CDK19: variants seen among roughly 807,000 people sequenced by gnomAD.
The protein encoded by CDK19 is cyclin dependent kinase 19.
CDK19 carries 20 observed loss-of-function variants against 68.3 expected under a neutral mutation model. The ratio of observed to expected loss-of-function variants is 0.29; its 90% CI spans 0.21 to 0.43. CDK19 has a LOEUF of 0.43. CDK19 is among the 20% of genes least tolerant of loss of function. CDK19 has a pLI of 1.00. For synonymous variants in CDK19, 221 were observed against 222.8 expected, an observed-to-expected ratio of 0.99 and a Z score of 0.07; for missense variants, 339 against 623.5, an observed-to-expected ratio of 0.54 and a Z score of 4.86.
chr6:110,717,835 G>A (rs1231290992), intron 2 of CDK19, among the ~76,000 whole-genome samples: 1 of 152,152 alleles, frequency 6.6e-6, no homozygotes, highest in African/African-American at 2.4e-5. Context: ...CCACGTAGCT[G>A]GGATTACAGG....
chr6:110,735,185 G>A (rs976148643), intron 2 of CDK19, among the ~76,000 whole-genome samples: 12 of 150,960 alleles, frequency 7.9e-5, no homozygotes, highest in Admixed American at 2.0e-4. Flanking sequence ...GAGCTCAAGC[G>A]ATCCTCTTGC....
At position 110,799,144 on chromosome 6, in the gene CDK19, T is replaced by TAAA. The variant is rs369106433; in HGVS notation, c.128+15862_128+15864dup. ...GGTGTTAAGAGTAAAACCCTGTATT[T>TAAA]AAAAAAAAAAAAAAAAAAAAAAAAA... On this transcript the variant is annotated intron_variant, in intron 1 of 12. Coordinates refer to ENST00000368911, the MANE Select transcript of CDK19 (RefSeq NM_015076.5). Among the ~76,000 whole-genome samples the TAAA allele has an allele frequency of 0.013, 614 of 49,114 alleles. 64 individuals are homozygous for TAAA. In the East Asian group the frequency reaches 0.3, roughly 24 times the overall value. The allele number at this position is 49,114 out of a possible 152,430, so 32.2% of individuals were successfully genotyped here.
intron 2 of CDK19, among the ~76,000 whole-genome samples, chr6:110,714,926 A>G (rs113125227): frequency 0.047 from 7,125 of 151,234 alleles, 170 homozygotes; most frequent in Middle Eastern, 0.078. Context: ...TAGAAACGGG[A>G]TTTCACCATG....
intron 1 of CDK19, among the ~76,000 whole-genome samples, chr6:110,797,746 A>T (rs1299146162): frequency 6.6e-6 from 1 of 152,232 alleles, no homozygotes; most frequent in African/African-American, 2.4e-5. Flanking sequence ...ACACTTTGGG[A>T]GGCCAAGACG....
At chr6:110,786,210 C>A (rs956678473) in intron 1 of CDK19, among the ~76,000 whole-genome samples, 4 of 152,152 alleles carry the variant, frequency 2.6e-5, no homozygotes, top group Non-Finnish European at 1.5e-5. Flanking sequence ...TGTTTCCTGA[C>A]ACTGCTTCTT....
At chr6:110,719,212 G>A (rs904495664) in intron 2 of CDK19, among the ~76,000 whole-genome samples, 4 of 152,138 alleles carry the variant, frequency 2.6e-5, no homozygotes, top group African/African-American at 4.8e-5. Context: ...GGCCAGGTGC[G>A]GTAGCCCATG....
At chr6:110,645,483 G>A (rs1780495294) in intron 4 of CDK19, among the ~76,000 whole-genome samples, 1 of 152,166 alleles carries the variant, frequency 6.6e-6, no homozygotes, top group Non-Finnish European at 1.5e-5. Flanking sequence ...TGAGTTATGT[G>A]CTCAATAAGT....
intron 1 of CDK19, among the ~76,000 whole-genome samples, chr6:110,776,379 A>T (rs1780395857): frequency 6.6e-6 from 1 of 151,910 alleles, no homozygotes; most frequent in Non-Finnish European, 1.5e-5. Context: ...CAGTGAGCCG[A>T]GATCGTGCCA....
At chr6:110,663,084 T>G (rs1175485681) in intron 4 of CDK19, among the ~76,000 whole-genome samples, 1 of 152,202 alleles carries the variant, frequency 6.6e-6, no homozygotes, top group Non-Finnish European at 1.5e-5. Context: ...ACTTTAAATT[T>G]TTTATATTAT....
At chr6:110,747,276 T>C (rs1005691350) in intron 1 of CDK19, among the ~76,000 whole-genome samples, 3 of 152,204 alleles carry the variant, frequency 2.0e-5, no homozygotes, top group African/African-American at 7.2e-5. Flanking sequence ...TAAATCCCTT[T>C]TGAAGATTTT....
At chr6:110,725,178 TG>T (rs1776232888) in intron 2 of CDK19, among the ~76,000 whole-genome samples, 1 of 152,202 alleles carries the variant, frequency 6.6e-6, no homozygotes, top group Non-Finnish European at 1.5e-5. Flanking sequence ...CTTATGGCTC[TG>T]TAGCTTTCAA....
At chr6:110,808,430 C>A (rs78314536) in intron 1 of CDK19, among the ~76,000 whole-genome samples, 4,032 of 152,294 alleles carry the variant, frequency 0.026, 81 homozygotes, top group South Asian at 0.083. Context: ...CACAGCCATC[C>A]TTATCCATAC....
intron 2 of CDK19, among the ~76,000 whole-genome samples, chr6:110,743,664 G>A (rs1278916853): frequency 1.3e-5 from 2 of 151,946 alleles, no homozygotes; most frequent in African/African-American, 4.8e-5. Context: ...AAGAATGAAG[G>A]CTGTAACAGA....
intron 2 of CDK19, among the ~76,000 whole-genome samples, chr6:110,736,934 T>A (rs775668557): frequency 3.3e-5 from 5 of 152,218 alleles, no homozygotes; most frequent in Non-Finnish European, 7.3e-5. Context: ...GCCAATTAAA[T>A]CTAACTGCTT....
Position 110,811,543 on chromosome 6 carries a change from C to T in CDK19, c.128+3466G>A, listed in dbSNP as rs942229293. Among the ~76,000 whole-genome samples, 7 of 152,044 alleles carry T rather than the reference C, an allele frequency of 4.6e-5. No homozygotes were observed. The South Asian group carries it at 8.3e-4, about 18-fold the overall frequency. ...GATTAAAGGTGTGAGCCACGGCGCCCGGCCAACAAAAGAACTTTTTAACAA... is the reference window on the plus strand; with the variant it reads ...GATTAAAGGTGTGAGCCACGGCGCCTGGCCAACAAAAGAACTTTTTAACAA... On this transcript the variant is annotated intron_variant, in intron 1 of 12. Coordinates refer to ENST00000368911, the MANE Select transcript of CDK19 (RefSeq NM_015076.5).
intron 2 of CDK19, among the ~76,000 whole-genome samples, chr6:110,723,466 T>C (rs1280728613): frequency 2.0e-5 from 3 of 152,190 alleles, no homozygotes; most frequent in Non-Finnish European, 4.4e-5. Context: ...AGTTTTGGAA[T>C]GAGTGTTAAA....
chr6:110,668,247 A>AC (rs968594589), intron 3 of CDK19, among the ~76,000 whole-genome samples: 6 of 151,936 alleles, frequency 3.9e-5, no homozygotes, highest in Non-Finnish European at 7.4e-5. Context: ...CTCCATCCCT[A>AC]CCCCACCCCT....
intron 4 of CDK19, among the ~76,000 whole-genome samples, chr6:110,664,619 A>G (rs1781808088): frequency 6.6e-6 from 1 of 152,206 alleles, no homozygotes; most frequent in Non-Finnish European, 1.5e-5. Flanking sequence ...CACTGAGGAA[A>G]TACTTCCTCA....
At chr6:110,618,525 C>T (rs568402008) in intron 12 of CDK19, among the ~76,000 whole-genome samples, 12 of 152,196 alleles carry the variant, frequency 7.9e-5, no homozygotes, top group Non-Finnish European at 1.8e-4. Flanking sequence ...ATTTTTGACT[C>T]ATCCTTTAAT....
Sources: allele counts gnomAD v4.1 joint callset (sites outside exome capture counted in the v4.1 genomes callset), GRCh38; gene constraint gnomAD v4.1.1; transcripts MANE v1.5; gene names NCBI Gene and HGNC (gene_info 2026-07-23, HGNC 2026-07-21).